ADAMTSL1: variants seen among roughly 807,000 people sequenced by gnomAD.
ADAMTSL1 encodes the protein ADAMTS like 1, also known as ADAMTS-like protein 1.
ADAMTSL1 carries 126 observed loss-of-function variants against 201.8 expected under a neutral mutation model. The ratio of observed to expected loss-of-function variants is 0.62; its 90% CI spans 0.54 to 0.72. The LOEUF (loss-of-function observed/expected upper bound fraction) is 0.72. Among genes scored for constraint, ADAMTSL1 ranks in the 30% least tolerant of loss-of-function variants. ADAMTSL1 has a pLI of 0.00. For missense variants in ADAMTSL1, 2,679 were observed against 2,277.8 expected (o/e 1.18, Z -3.59); for synonymous variants, 1,121 against 903.4 (o/e 1.24, Z -4.32).
intron 15 of ADAMTSL1, among the ~76,000 whole-genome samples, chr9:18,733,295 A>G (rs1430443489): frequency 6.6e-6 from 1 of 152,242 alleles, no homozygotes; most frequent in Non-Finnish European, 1.5e-5. Flanking sequence ...TCAGTTACCA[A>G]AAGTAGGACT....
At chr9:18,722,512 T>C (rs1833455116) in intron 15 of ADAMTSL1, among the ~76,000 whole-genome samples, 1 of 152,224 alleles carries the variant, frequency 6.6e-6, no homozygotes, top group Non-Finnish European at 1.5e-5. Flanking sequence ...TTAATACCTG[T>C]ATTGCTGTCA....
intron 1 of ADAMTSL1, among the ~76,000 whole-genome samples, chr9:18,048,869 T>C (rs1586946836): frequency 6.6e-6 from 1 of 152,150 alleles, no homozygotes; most frequent in Non-Finnish European, 1.5e-5. Context: ...ACAAACTGGG[T>C]GGTTTAAAAC....
chr9:18,253,147 G>A (rs900177522), intron 2 of ADAMTSL1, among the ~76,000 whole-genome samples: 1 of 152,164 alleles, frequency 6.6e-6, no homozygotes, highest in African/African-American at 2.4e-5. Flanking sequence ...AGAACAATAT[G>A]TATGGTACTA....
At chr9:18,697,089 G>A (rs1442724935) in intron 13 of ADAMTSL1, among the ~76,000 whole-genome samples, 1 of 151,432 alleles carries the variant, frequency 6.6e-6, no homozygotes, top group Non-Finnish European at 1.5e-5. Context: ...TCACCATGTT[G>A]GCCAGGATGG....
At chr9:17,934,713 G>A (rs1654599602) in intron 1 of ADAMTSL1, among the ~76,000 whole-genome samples, 1 of 151,928 alleles carries the variant, frequency 6.6e-6, no homozygotes, top group Non-Finnish European at 1.5e-5. Context: ...CAGACAAAAA[G>A]TCAAATTTTC....
At chr9:18,655,806 T>A (rs1237322781) in intron 7 of ADAMTSL1, among the ~76,000 whole-genome samples, 4 of 81,868 alleles carry the variant, frequency 4.9e-5, no homozygotes, top group African/African-American at 2.6e-4. Context: ...TTTGTGAGCT[T>A]AAAAAAAAAA....
intron 1 of ADAMTSL1, among the ~76,000 whole-genome samples, chr9:17,975,721 G>C (rs1241786281): frequency 2.0e-5 from 3 of 151,990 alleles, no homozygotes; most frequent in African/African-American, 7.2e-5. Flanking sequence ...AAATTTTTTA[G>C]TTTGACATAT....
At chr9:18,667,190 C>A (rs897466355) in intron 9 of ADAMTSL1, among the ~76,000 whole-genome samples, 1 of 151,232 alleles carries the variant, frequency 6.6e-6, no homozygotes, top group Non-Finnish European at 1.5e-5. Flanking sequence ...CCCCAAGCGG[C>A]AATTCTTGGC....
rs576426700 is a variant in ADAMTSL1, at chr9:17,985,887, G to T, written c.87+78965G>T. Among the ~76,000 whole-genome samples the T allele has an allele frequency of 1.2e-3, 180 of 152,240 alleles. 1 individual carries two copies. Among genetic ancestry groups the T allele is most frequent in the African/African-American group, 3.9e-3 (164 of 41,574 alleles). On this transcript the variant is annotated intron_variant, in intron 1 of 29. Coordinates refer to the ADAMTSL1 transcript ENST00000680146. ...ATGCAAGAGAAAATTGATACCTGGA[G>T]AATCTGAAATGCGTTGGCTATGACA...
chr9:18,005,353 C>A (rs888530338), intron 1 of ADAMTSL1, among the ~76,000 whole-genome samples: 1 of 152,006 alleles, frequency 6.6e-6, no homozygotes, highest in Non-Finnish European at 1.5e-5. Context: ...TGAGACATGG[C>A]CTTTATTGAG....
intron 1 of ADAMTSL1, among the ~76,000 whole-genome samples, chr9:17,936,856 C>T (rs1353850668): frequency 1.3e-5 from 2 of 152,262 alleles, no homozygotes; most frequent in East Asian, 1.9e-4. Flanking sequence ...GCCAGTGGTA[C>T]AGGCAGTGAG....
chr9:18,660,599 T>C (rs1829023256), intron 8 of ADAMTSL1, among the ~76,000 whole-genome samples: 1 of 152,218 alleles, frequency 6.6e-6, no homozygotes, highest in Non-Finnish European at 1.5e-5. Context: ...GAAATTATTA[T>C]CTGGAAAATT....
At chr9:18,750,907 C>G (rs971628899) in intron 15 of ADAMTSL1, among the ~76,000 whole-genome samples, 1 of 152,188 alleles carries the variant, frequency 6.6e-6, no homozygotes, top group Non-Finnish European at 1.5e-5. Context: ...CACGAACTTT[C>G]CTTAAGACTC....
chr9:18,059,377 T>C (rs934706262), intron 1 of ADAMTSL1, among the ~76,000 whole-genome samples: 1 of 152,196 alleles, frequency 6.6e-6, no homozygotes, highest in African/African-American at 2.4e-5. Context: ...TTTTTGATAA[T>C]TTCATGTCAT....
chr9:18,098,787 A>G (rs1176215055), intron 1 of ADAMTSL1, among the ~76,000 whole-genome samples: 1 of 152,044 alleles, frequency 6.6e-6, no homozygotes, highest in Non-Finnish European at 1.5e-5. Context: ...CAGCCAATTC[A>G]CCTACTTTGA....
chr9:18,636,452 A>G (rs904172237), intron 6 of ADAMTSL1, among the ~76,000 whole-genome samples: 1 of 152,116 alleles, frequency 6.6e-6, no homozygotes, highest in Admixed American at 6.6e-5. Flanking sequence ...CCAGAGGAAC[A>G]TAGAAACACC....
chr9:18,175,022 G>T (rs1405241178), intron 2 of ADAMTSL1, among the ~76,000 whole-genome samples: 1 of 152,120 alleles, frequency 6.6e-6, no homozygotes, highest in Non-Finnish European at 1.5e-5. Flanking sequence ...TTTGCTAAGA[G>T]AAAATATCTG....
intron 1 of ADAMTSL1, among the ~76,000 whole-genome samples, chr9:18,104,871 T>C (rs1207068417): frequency 2.0e-5 from 3 of 152,204 alleles, no homozygotes. Flanking sequence ...CTGTGTCTAC[T>C]GGCCATTTCA....
At chr9:18,592,956 G>T (rs532072387) in intron 4 of ADAMTSL1, among the ~76,000 whole-genome samples, 9 of 151,990 alleles carry the variant, frequency 5.9e-5, no homozygotes, top group South Asian at 2.1e-4. Context: ...TAATACCTAG[G>T]TATTTTATTT....
Sources: allele counts gnomAD v4.1 joint callset (sites outside exome capture counted in the v4.1 genomes callset), GRCh38; gene constraint gnomAD v4.1.1; transcripts MANE v1.5; gene names NCBI Gene and HGNC (gene_info 2026-07-23, HGNC 2026-07-21).